Variants in ADAMTSL1 observed in about 807,000 individuals in gnomAD.
ADAMTSL1 encodes ADAMTS-like protein 1.
ADAMTSL1 carries 126 observed loss-of-function variants against 201.8 expected under a neutral mutation model. That is an observed-to-expected ratio of 0.62 (90% CI 0.54 to 0.72). The LOEUF (loss-of-function observed/expected upper bound fraction) is 0.72. Ranked by LOEUF, ADAMTSL1 falls within the 30% of genes least tolerant of loss-of-function variation. The pLI is 0.00. For synonymous variants in ADAMTSL1, 1,121 were observed against 903.4 expected (o/e 1.24, Z -4.32); for missense variants, 2,679 against 2,277.8 (o/e 1.18, Z -3.59).
intron 23 of ADAMTSL1, among the ~76,000 whole-genome samples, chr9:18,844,752 C>T (rs1409481626): frequency 6.6e-6 from 1 of 152,250 alleles, no homozygotes; most frequent in Non-Finnish European, 1.5e-5. Context: ...GCGGGCGCCC[C>T]TCCCCCAGCC....
At chr9:18,487,300 T>C (rs1283254270) in intron 1 of ADAMTSL1, among the ~76,000 whole-genome samples, 1 of 152,244 alleles carries the variant, frequency 6.6e-6, no homozygotes. Context: ...TTCCTAATTA[T>C]AAACGAATAG....
At chr9:18,898,651 A>C (rs1171695173) in intron 26 of ADAMTSL1, among the ~76,000 whole-genome samples, 15 of 152,166 alleles carry the variant, frequency 9.9e-5, no homozygotes, top group Admixed American at 9.8e-4. Flanking sequence ...CTGGGATATA[A>C]GGTTGGGTCA....
At chr9:18,688,254 G>A (rs1054503867) in intron 13 of ADAMTSL1, among the ~76,000 whole-genome samples, 2 of 151,638 alleles carry the variant, frequency 1.3e-5, no homozygotes, top group African/African-American at 4.8e-5. Context: ...CTCCCGCATA[G>A]CTGGGATTAC....
chr9:18,505,872 T>A (rs145443760), intron 2 of ADAMTSL1, among the ~76,000 whole-genome samples: 2,006 of 152,296 alleles, frequency 0.013, 41 homozygotes, highest in African/African-American at 0.046. Context: ...CTTACTTTAA[T>A]AAGAGTGAGA....
intron 23 of ADAMTSL1, among the ~76,000 whole-genome samples, chr9:18,859,204 A>C (rs557212705): frequency 2.0e-5 from 3 of 152,302 alleles, no homozygotes; most frequent in Admixed American, 6.5e-5. Flanking sequence ...GCTAAAATCA[A>C]GATTGACCAA....
intron 1 of ADAMTSL1, among the ~76,000 whole-genome samples, chr9:18,494,218 T>C (rs543761921): frequency 1.3e-5 from 2 of 151,960 alleles, no homozygotes; most frequent in Admixed American, 1.3e-4. Flanking sequence ...TACCCGGGCA[T>C]GGTGGCGGGT....
At chr9:18,689,179 A>G (rs1319653261) in intron 13 of ADAMTSL1, among the ~76,000 whole-genome samples, 1 of 152,130 alleles carries the variant, frequency 6.6e-6, no homozygotes, top group East Asian at 1.9e-4. Flanking sequence ...GTGGAAGCTA[A>G]AAAAATTACT....
intron 2 of ADAMTSL1, among the ~76,000 whole-genome samples, chr9:18,224,317 G>A (rs1291173335): frequency 2.0e-5 from 3 of 152,106 alleles, no homozygotes. Context: ...TCCTCCAGAG[G>A]AGGGGAGTGC....
chr9:18,158,009 C>T (rs763614604), intron 1 of ADAMTSL1, among the ~76,000 whole-genome samples: 4 of 151,948 alleles, frequency 2.6e-5, no homozygotes, highest in Non-Finnish European at 5.9e-5. Context: ...ACACAGCAAC[C>T]AAAAATACTC....
At chr9:18,638,508 A>G (rs1827242039) in intron 6 of ADAMTSL1, among the ~76,000 whole-genome samples, 2 of 152,064 alleles carry the variant, frequency 1.3e-5, no homozygotes, top group Non-Finnish European at 2.9e-5. Context: ...ATCACACAAC[A>G]TAATTACCAT....
At position 18,853,040 on chromosome 9, in the gene ADAMTSL1, G is replaced by A. The variant is rs868445849; in HGVS notation, c.4249+23063G>A. Among the ~76,000 whole-genome samples the A allele has an allele frequency of 2.4e-4, 36 of 152,296 alleles. No homozygotes were observed. The Middle Eastern group carries it at 0.01, about 43-fold the overall frequency. ...TACACACTGAAATATAGATGGTATT[G>A]TTTCTTTAAGGAACCTGGAGGTTGG... On this transcript the variant is annotated intron_variant, in intron 23 of 28. Coordinates refer to ENST00000380548, the MANE Select transcript of ADAMTSL1 (RefSeq NM_001040272.6).
chr9:18,619,033 T>C (rs372733221), intron 4 of ADAMTSL1, among the ~76,000 whole-genome samples: 2 of 152,184 alleles, frequency 1.3e-5, no homozygotes, highest in South Asian at 2.1e-4. Context: ...CAGGCTTTCT[T>C]GAGCAGACGC....
chr9:18,077,559 T>C (rs1250623995), intron 1 of ADAMTSL1, among the ~76,000 whole-genome samples: 2 of 152,154 alleles, frequency 1.3e-5, no homozygotes, highest in African/African-American at 4.8e-5. Flanking sequence ...AAGTTATCGG[T>C]GATCTCACTG....
At position 18,384,727 on chromosome 9, in the gene ADAMTSL1, C is replaced by T. The variant is rs575008831; in HGVS notation, c.208-120102C>T. Among the ~76,000 whole-genome samples the T allele has an allele frequency of 2.9e-4, 44 of 152,234 alleles. No homozygotes were observed. In the South Asian group the frequency reaches 8.7e-3, roughly 30 times the overall value. ...CCCAATAGGATTCCTTTTACCAGTGCTCCCTTTCCTTGACATTCCTCCTCC... is the reference window on the plus strand; with the variant it reads ...CCCAATAGGATTCCTTTTACCAGTGTTCCCTTTCCTTGACATTCCTCCTCC... On this transcript the variant is annotated intron_variant, in intron 2 of 29. Coordinates refer to the ADAMTSL1 transcript ENST00000680146.
chr9:18,733,290 T>C (rs1397089987), intron 15 of ADAMTSL1, among the ~76,000 whole-genome samples: 1 of 152,202 alleles, frequency 6.6e-6, no homozygotes, highest in African/African-American at 2.4e-5. Flanking sequence ...TACTCTCAGT[T>C]ACCAAAAGTA....
At chr9:18,837,969 A>G (rs1290616384) in intron 23 of ADAMTSL1, among the ~76,000 whole-genome samples, 1 of 152,154 alleles carries the variant, frequency 6.6e-6, no homozygotes, top group Non-Finnish European at 1.5e-5. Flanking sequence ...TCACTGGCTT[A>G]GGCCTCCATG....
intron 4 of ADAMTSL1, among the ~76,000 whole-genome samples, chr9:18,619,194 G>C (rs1248019716): frequency 6.6e-6 from 1 of 152,224 alleles, no homozygotes; most frequent in East Asian, 1.9e-4. Flanking sequence ...TTAATAGTAG[G>C]TCTTAAAGTA....
chr9:18,804,449 A>G (rs565186691), intron 20 of ADAMTSL1, among the ~76,000 whole-genome samples: 15 of 152,358 alleles, frequency 9.8e-5, no homozygotes, highest in Admixed American at 6.5e-4. Context: ...CTCCTGCACT[A>G]TAAAATGCAA....
At chr9:18,438,425 C>T (rs1371567775) in intron 2 of ADAMTSL1, among the ~76,000 whole-genome samples, 2 of 152,144 alleles carry the variant, frequency 1.3e-5, no homozygotes, top group Admixed American at 1.3e-4. Flanking sequence ...CAGCCACCCC[C>T]ACGGACAGCT....
Sources: allele counts gnomAD v4.1 joint callset (sites outside exome capture counted in the v4.1 genomes callset), GRCh38; gene constraint gnomAD v4.1.1; transcripts MANE v1.5; gene names NCBI Gene and HGNC (gene_info 2026-07-23, HGNC 2026-07-21).